Variants in TBC1D1 observed in about 807,000 individuals in gnomAD.
The protein encoded by TBC1D1 is TBC1 domain family member 1, also known as TBC1 (tre-2/USP6, BUB2, cdc16) domain family, member 1.
TBC1D1 carries 89 observed loss-of-function variants against 125.6 expected under a neutral mutation model. The observed-to-expected ratio is 0.71, with a 90% confidence interval of 0.60 to 0.85. The LOEUF is 0.85. Ranked by LOEUF, TBC1D1 falls within the 40% of genes least tolerant of loss-of-function variation. The pLI is 0.00. For synonymous variants in TBC1D1, 565 were observed against 564.1 expected, an observed-to-expected ratio of 1.00 and a Z score of -0.02; for missense variants, 1,377 against 1,469.2, an observed-to-expected ratio of 0.94 and a Z score of 1.03.
At chr4:37,978,340 G>A (rs1040208572) in intron 2 of TBC1D1, among the ~76,000 whole-genome samples, 3 of 152,220 alleles carry the variant, frequency 2.0e-5, no homozygotes, top group African/African-American at 7.2e-5. Flanking sequence ...AGGGCATCTT[G>A]CTGTCACCCC....
At chr4:38,018,265 T>A in intron 3 of TBC1D1, 89 bp from the exon 4 acceptor site, 1 of 975,780 alleles carries the variant, frequency 1.0e-6, no homozygotes. Context: ...GTCAGAATTT[T>A]ATAGGAGCTT....
chr4:38,087,190 G>T (rs1037208268), intron 12 of TBC1D1, among the ~76,000 whole-genome samples: 1 of 152,210 alleles, frequency 6.6e-6, no homozygotes, highest in Non-Finnish European at 1.5e-5. Flanking sequence ...TAGGGAGACA[G>T]CTTAGGTCTT....
chr4:37,971,806 T>C (rs1578100405), intron 2 of TBC1D1, among the ~76,000 whole-genome samples: 3 of 152,294 alleles, frequency 2.0e-5, no homozygotes, highest in African/African-American at 7.2e-5. Context: ...ACATTATGGG[T>C]CAACACCAAT....
chr4:38,045,801 C>A lies in TBC1D1; in HGVS notation c.1543-16C>A. 6.2e-7 allele frequency: 1 copy of A among 1,610,170 alleles called. No individual in the cohort carries two copies. Among genetic ancestry groups the A allele is most frequent in the Non-Finnish European group, 8.5e-7 (1 of 1,176,450 alleles). On this transcript the variant is annotated splice_polypyrimidine_tract_variant and intron_variant, in intron 9 of 19. Transcript: ENST00000261439. ...AGCCTCCAGAGTCATAACTCGACTG[C>A]CTTTTCTTTATGTAGGGTAATAAAG...
chr4:38,033,713 C>T (rs1022072210), intron 7 of TBC1D1, among the ~76,000 whole-genome samples: 1 of 152,142 alleles, frequency 6.6e-6, no homozygotes, highest in Admixed American at 6.5e-5. Flanking sequence ...CCTGTTCTCC[C>T]ACCTCCTCCC....
chr4:38,073,332 T>C (rs1368090809), intron 12 of TBC1D1, among the ~76,000 whole-genome samples: 1 of 152,236 alleles, frequency 6.6e-6, no homozygotes, highest in African/African-American at 2.4e-5. Flanking sequence ...ACACTTGATT[T>C]TCTGTGTTGG....
At chr4:37,976,344 G>C (rs1260781518) in intron 2 of TBC1D1, among the ~76,000 whole-genome samples, 1 of 152,230 alleles carries the variant, frequency 6.6e-6, no homozygotes, top group African/African-American at 2.4e-5. Flanking sequence ...CTTTCAGCCA[G>C]AGCCATCCAG....
chr4:37,944,598 A>G (rs1170287224), intron 2 of TBC1D1, among the ~76,000 whole-genome samples: 2 of 152,222 alleles, frequency 1.3e-5, no homozygotes, highest in African/African-American at 4.8e-5. Flanking sequence ...TGTGCTAACA[A>G]TGAGCGAGGG....
At chr4:38,029,558 G>A (rs150669633) in intron 7 of TBC1D1, among the ~76,000 whole-genome samples, 49 of 152,188 alleles carry the variant, frequency 3.2e-4, no homozygotes, top group African/African-American at 1.1e-3. Flanking sequence ...CAGTAGAGAC[G>A]GGGTTTCACC....
intron 2 of TBC1D1, among the ~76,000 whole-genome samples, chr4:37,965,663 G>A (rs919517803): frequency 2.0e-5 from 3 of 152,112 alleles, no homozygotes; most frequent in African/African-American, 4.8e-5. Flanking sequence ...CCTAGAGATC[G>A]GTGAGCAGAT....
At position 37,959,244 on chromosome 4, in the gene TBC1D1, C is replaced by CTTT. The variant is rs572684303; in HGVS notation, c.418-55265_418-55264insTTT. On this transcript the variant is annotated intron_variant, in intron 2 of 19. Coordinates refer to ENST00000261439, the MANE Select transcript of TBC1D1 (RefSeq NM_015173.4). The stretch of plus-strand genomic sequence containing the variant: ...CCCAAAAAGCTTAACCGATAGTCTT[C>CTTT]CGTTGACCTCACCAATAACACAGTC... Among the ~76,000 whole-genome samples the CTTT allele has an allele frequency of 8.3e-3, 1,270 of 152,292 alleles. 12 individuals are homozygous for CTTT. The highest frequency in any genetic ancestry group is 0.029 in the African/African-American group (1,200 of 41,546).
At chr4:38,017,622 G>C (rs924608324) in intron 3 of TBC1D1, among the ~76,000 whole-genome samples, 2 of 152,190 alleles carry the variant, frequency 1.3e-5, no homozygotes, top group African/African-American at 4.8e-5. Context: ...GTTTAGAGGA[G>C]GAGATGGGTC....
chr4:38,096,822 A>G (rs1283451936), intron 14 of TBC1D1, among the ~76,000 whole-genome samples: 1 of 152,050 alleles, frequency 6.6e-6, no homozygotes, highest in Non-Finnish European at 1.5e-5. Context: ...TTGTTTTTCT[A>G]CTAATTTATT....
intron 2 of TBC1D1, among the ~76,000 whole-genome samples, chr4:37,969,165 A>C (rs544842774): frequency 6.6e-6 from 1 of 152,180 alleles, no homozygotes; most frequent in Non-Finnish European, 1.5e-5. Context: ...CTATAAACCC[A>C]GCTCTGAGCT....
At chr4:38,006,135 C>G (rs1404328569) in intron 2 of TBC1D1, among the ~76,000 whole-genome samples, 1 of 151,808 alleles carries the variant, frequency 6.6e-6, no homozygotes, top group Non-Finnish European at 1.5e-5. Flanking sequence ...TTGATATGAG[C>G]TAAAATTTTA....
chr4:38,012,110 A>C (rs1741630275), intron 2 of TBC1D1, among the ~76,000 whole-genome samples: 1 of 152,242 alleles, frequency 6.6e-6, no homozygotes, highest in African/African-American at 2.4e-5. Flanking sequence ...GGGGTTAGTA[A>C]TTGGGAAGAC....
intron 15 of TBC1D1, chr4:38,110,468 G>C: frequency 2.0e-6 from 2 of 985,400 alleles, no homozygotes; most frequent in Non-Finnish European, 2.4e-6. Flanking sequence ...AAGAACATCC[G>C]TTAGATGAGC....
chr4:38,068,923 T>TGAAGGC (rs1754214548), intron 12 of TBC1D1, among the ~76,000 whole-genome samples: 1 of 152,226 alleles, frequency 6.6e-6, no homozygotes, highest in Non-Finnish European at 1.5e-5. Flanking sequence ...ACCATCAGCC[T>TGAAGGC]TCAGGGTGGT....
intron 2 of TBC1D1, among the ~76,000 whole-genome samples, chr4:37,980,700 A>G (rs1734174745): frequency 6.6e-6 from 1 of 152,226 alleles, no homozygotes; most frequent in African/African-American, 2.4e-5. Context: ...CATATAGTTT[A>G]TGGTGTGTAT....
Sources: gnomAD v4.1 joint callset for allele counts (sites outside exome capture counted in the v4.1 genomes callset) on GRCh38, gnomAD v4.1.1 for gene constraint, MANE v1.5 for transcripts, NCBI Gene and HGNC (gene_info 2026-07-23, HGNC 2026-07-21) for gene names.